Variants in DDAH1 observed in about 807,000 individuals in gnomAD.
DDAH1 encodes dimethylarginine dimethylaminohydrolase 1.
DDAH1 carries 19 observed loss-of-function variants against 28.8 expected under a neutral mutation model. The ratio of observed to expected loss-of-function variants is 0.66; its 90% CI spans 0.46 to 0.97. The LOEUF is 0.97. DDAH1 is among the 50% of genes least tolerant of loss of function. The pLI is 0.00. For missense variants in DDAH1, 326 were observed against 375.9 expected (o/e 0.87, Z 1.10); for synonymous variants, 153 against 154.4 (o/e 0.99, Z 0.07).
At chr1:85,538,022 C>G (rs1192486629) in intron 1 of DDAH1, among the ~76,000 whole-genome samples, 1 of 152,124 alleles carries the variant, frequency 6.6e-6, no homozygotes, top group African/African-American at 2.4e-5. Flanking sequence ...ACATCACAAT[C>G]CTCATCAGCA....
chr1:85,522,890 T>C (rs1428157737), intron 1 of DDAH1, among the ~76,000 whole-genome samples: 1 of 150,730 alleles, frequency 6.6e-6, no homozygotes, highest in Non-Finnish European at 1.5e-5. Flanking sequence ...CCGTCATTTA[T>C]TCATTCAGCA....
In DDAH1 at chr1:85,464,509, T is replaced by G; in HGVS notation, c.303+234A>C. On this transcript the variant is annotated intron_variant, in intron 1 of 5. Transcript: ENST00000284031. This position sits in a 1 kb window ranked among gnomAD's most constrained non-coding sequence, Gnocchi z 4.4. ...CCGCCCACCCACCTGCCCGAGACCGTACAACCACATTGAATCGGATCCTCC... is the reference window on the plus strand; with the variant it reads ...CCGCCCACCCACCTGCCCGAGACCGGACAACCACATTGAATCGGATCCTCC... 6.7e-7 allele frequency: 1 copy of G among 1,502,650 alleles called. No individual in the cohort carries two copies. The highest frequency in any genetic ancestry group is 8.9e-7 in the Non-Finnish European group (1 of 1,127,138). 93.1% of individuals were successfully genotyped at this position (1,502,650 alleles called of 1,614,324 possible).
chr1:85,561,570 T>C (rs1343688582), intron 1 of DDAH1, among the ~76,000 whole-genome samples: 1 of 152,276 alleles, frequency 6.6e-6, no homozygotes, highest in Admixed American at 6.5e-5. Flanking sequence ...TGTGATCTCT[T>C]ACATAATATT....
At chr1:85,438,306 T>C (rs1219241400) in intron 1 of DDAH1, among the ~76,000 whole-genome samples, 2 of 152,164 alleles carry the variant, frequency 1.3e-5, no homozygotes, top group Admixed American at 6.5e-5. Context: ...AACCTGAACA[T>C]GGACCCCCTG....
intron 1 of DDAH1, among the ~76,000 whole-genome samples, chr1:85,552,760 G>A (rs1214996660): frequency 6.6e-6 from 1 of 152,154 alleles, no homozygotes; most frequent in Non-Finnish European, 1.5e-5. Flanking sequence ...CAAGAATCAG[G>A]TATTCAGAGT....
intron 1 of DDAH1, among the ~76,000 whole-genome samples, chr1:85,571,466 G>A (rs907912020): frequency 6.6e-6 from 1 of 152,276 alleles, no homozygotes; most frequent in South Asian, 2.1e-4. Flanking sequence ...TCCCTTGTCT[G>A]TACTCCCAAA....
rs140204534 is a variant in DDAH1 at position 85,363,767 on chromosome 1, A to G, written c.304-4920T>C. Among the ~76,000 whole-genome samples, 11 of 152,348 alleles carry G rather than the reference A, an allele frequency of 7.2e-5. No individual in the cohort carries two copies. In the East Asian group the frequency reaches 2.1e-3, roughly 29 times the overall value. ...GCTACTTTAAACTTCTTTGTTAATC[A>G]GCACATCTTTGGTCACTGTGGCCAC... On this transcript the variant is annotated intron_variant, in intron 1 of 5. Transcript: ENST00000284031.
chr1:85,491,410 CA>C (rs2100728665), intron 2 of DDAH1, among the ~76,000 whole-genome samples: 1 of 152,238 alleles, frequency 6.6e-6, no homozygotes, highest in South Asian at 2.1e-4. Flanking sequence ...AAACTGCAGA[CA>C]AAGACAAAGG....
At chr1:85,334,857 C>T (rs904964860) in intron 4 of DDAH1, among the ~76,000 whole-genome samples, 1 of 152,002 alleles carries the variant, frequency 6.6e-6, no homozygotes, top group Non-Finnish European at 1.5e-5. Flanking sequence ...ACTTTACAGT[C>T]CAGAAGAAAA....
At chr1:85,324,920 C>T (rs747915784) in intron 4 of DDAH1, 37 bp from the exon 5 acceptor site, 3 of 1,607,306 alleles carry the variant, frequency 1.9e-6, no homozygotes, top group Non-Finnish European at 2.6e-6. Context: ...AGAAGAGTAA[C>T]TCCCCACACT....
intron 1 of DDAH1, among the ~76,000 whole-genome samples, chr1:85,572,643 A>G (rs550272204): frequency 4.1e-4 from 63 of 152,294 alleles, no homozygotes; most frequent in African/African-American, 1.3e-3. Context: ...AACTATTCCT[A>G]TGTCTCCCAA....
At chr1:85,493,291 C>A (rs992144993) in intron 2 of DDAH1, 2 of 152,022 alleles carry the variant, frequency 1.3e-5, no homozygotes, top group African/African-American at 2.4e-5. Flanking sequence ...TTTTTGTTAA[C>A]TGAATGAAAT....
chr1:85,405,682 CATGTTGG>C (rs2100586876), intron 1 of DDAH1, among the ~76,000 whole-genome samples: 1 of 151,890 alleles, frequency 6.6e-6, no homozygotes, highest in Non-Finnish European at 1.5e-5. Flanking sequence ...CTGGAGATAG[CATGTTGG>C]AATACAAGTC....
At chr1:85,559,060 T>C (rs916719047) in intron 1 of DDAH1, among the ~76,000 whole-genome samples, 1 of 152,202 alleles carries the variant, frequency 6.6e-6, no homozygotes, top group Non-Finnish European at 1.5e-5. Context: ...TATATATCAT[T>C]ATTAAAAGAA....
chr1:85,413,274 C>A (rs542874724), intron 1 of DDAH1, among the ~76,000 whole-genome samples: 1 of 152,334 alleles, frequency 6.6e-6, no homozygotes, highest in African/African-American at 2.4e-5. Context: ...TCCTATGAAC[C>A]TGTGCCTTAG....
chr1:85,408,208 G>T (rs983977505), intron 1 of DDAH1, among the ~76,000 whole-genome samples: 2 of 152,026 alleles, frequency 1.3e-5, no homozygotes, highest in Non-Finnish European at 1.5e-5. Flanking sequence ...CATAGAGCAT[G>T]GAACGTTCTG....
intron 1 of DDAH1, among the ~76,000 whole-genome samples, chr1:85,499,005 A>C (rs956232476): frequency 6.6e-6 from 1 of 152,124 alleles, no homozygotes; most frequent in Admixed American, 6.6e-5. Flanking sequence ...CAACAACAGG[A>C]GACAAAACAA....
intron 4 of DDAH1, among the ~76,000 whole-genome samples, chr1:85,325,367 G>GCGCACA (rs1553121790): frequency 1.1e-4 from 16 of 143,808 alleles, no homozygotes; most frequent in African/African-American, 3.4e-4. Context: ...GCGCGCGCGC[G>GCGCACA]CACACACACA....
intron 2 of DDAH1, among the ~76,000 whole-genome samples, chr1:85,357,389 G>A (rs1309245090): frequency 2.6e-5 from 4 of 152,180 alleles, no homozygotes; most frequent in Admixed American, 2.0e-4. Flanking sequence ...AGCTGGCAAC[G>A]TGGTGGCCCC....
Sources: gnomAD v4.1 joint callset for allele counts (sites outside exome capture counted in the v4.1 genomes callset) on GRCh38, gnomAD v4.1.1 for gene constraint, Gnocchi (gnomAD v3.1) non-coding constraint, MANE v1.5 for transcripts, NCBI Gene and HGNC (gene_info 2026-07-23, HGNC 2026-07-21) for gene names.